NRP1: variants seen among roughly 807,000 people sequenced by gnomAD.
NRP1 encodes neuropilin-1.
NRP1 carries 35 observed loss-of-function variants against 106.7 expected under a neutral mutation model. That is an observed-to-expected ratio of 0.33 (90% CI 0.25 to 0.43). The LOEUF (loss-of-function observed/expected upper bound fraction) is 0.43. Ranked by LOEUF, NRP1 falls within the 20% of genes least tolerant of loss-of-function variation. NRP1 has a pLI of 1.00. For missense variants in NRP1, 1,024 were observed against 1,170.4 expected (o/e 0.87, Z 1.83); for synonymous variants, 437 against 417.9 (o/e 1.05, Z -0.56).
chr10:33,290,890 G>T (rs1020064964), intron 2 of NRP1, among the ~76,000 whole-genome samples: 1 of 152,070 alleles, frequency 6.6e-6, no homozygotes, highest in African/African-American at 2.4e-5. Context: ...AATGCAAGAC[G>T]GCATCTCACC....
intron 6 of NRP1, among the ~76,000 whole-genome samples, chr10:33,240,128 G>C (rs1840900960): frequency 6.6e-6 from 1 of 152,212 alleles, no homozygotes; most frequent in Non-Finnish European, 1.5e-5. Context: ...CATGGAAGAA[G>C]TCTTGGAGGT....
At chr10:33,216,687 C>T (rs1416776669) in intron 8 of NRP1, among the ~76,000 whole-genome samples, 1 of 151,782 alleles carries the variant, frequency 6.6e-6, no homozygotes, top group Non-Finnish European at 1.5e-5. Flanking sequence ...AGAGATCTTA[C>T]CATTTTGGCC....
rs1478431312 is a variant in NRP1, at chr10:33,199,402, T to A, written c.1865-1693A>T. Among the ~76,000 whole-genome samples the A allele has an allele frequency of 5.9e-3, 608 of 103,298 alleles. 5 individuals are homozygous for A. The highest frequency in any genetic ancestry group is 0.022 in the African/African-American group (544 of 24,682). 67.8% of individuals were successfully genotyped at this position (103,298 alleles called of 152,430 possible). On this transcript the variant is annotated intron_variant, in intron 11 of 16. Coordinates refer to ENST00000374867, the MANE Select transcript of NRP1 (RefSeq NM_003873.7). ...ATATATATATATATTTTTTTTTTTT[T>A]TTTTTTTTTTTTTTTTTTTGGCGGA...
intron 3 of NRP1, among the ~76,000 whole-genome samples, chr10:33,269,937 T>C (rs1239599300): frequency 6.6e-6 from 1 of 152,222 alleles, no homozygotes; most frequent in African/African-American, 2.4e-5. Context: ...TGGTGAGTTG[T>C]ATAATTATTT....
intron 8 of NRP1, among the ~76,000 whole-genome samples, chr10:33,216,934 T>C (rs557376618): frequency 6.6e-6 from 1 of 152,310 alleles, no homozygotes; most frequent in African/African-American, 2.4e-5. Flanking sequence ...AAGGCAGCTG[T>C]CATTTTCTCA....
rs997774890 is a variant in NRP1 at position 33,334,161 on chromosome 10, C to A, written c.73+149G>T. On this transcript the variant is annotated intron_variant, in intron 1 of 16. Coordinates refer to ENST00000374867, the MANE Select transcript of NRP1 (RefSeq NM_003873.7). ...TGCTCTAAACCGCCTGATCTCATTT[C>A]TTCTTCTCTCCTCCCAGATAAAAGT... The A allele has an allele frequency of 3.7e-5, 26 of 693,442 alleles. No homozygotes were observed. In the East Asian group the frequency reaches 6.3e-4, roughly 17 times the overall value. The allele number at this position is 693,442 out of a possible 1,614,324, so 43.0% of individuals were successfully genotyped here.
At chr10:33,333,873 G>A (rs1164084780) in intron 1 of NRP1, among the ~76,000 whole-genome samples, 1 of 152,110 alleles carries the variant, frequency 6.6e-6, no homozygotes, top group East Asian at 1.9e-4. Context: ...ATCTCTGGCC[G>A]TCACCCACCA....
intron 2 of NRP1, among the ~76,000 whole-genome samples, chr10:33,313,473 A>G (rs1367789592): frequency 1.3e-5 from 2 of 152,202 alleles, no homozygotes; most frequent in Non-Finnish European, 2.9e-5. Context: ...CATGTACCCC[A>G]GTAATGTATA....
chr10:33,263,931 A>T, intron 3 of NRP1, 58 bp from the exon 4 acceptor site: 1 of 1,072,264 alleles, frequency 9.3e-7, no homozygotes, highest in Admixed American at 1.8e-5. Context: ...AACTTCCCCA[A>T]GAAATAACCT....
Position 33,177,779 on chromosome 10 carries a change from T to C in NRP1, c.*2297A>G, listed in dbSNP as rs943913006. On this transcript the variant is annotated 3_prime_UTR_variant, in exon 17 of 17. Coordinates refer to ENST00000374867, the MANE Select transcript of NRP1 (RefSeq NM_003873.7). ...TACCAGTAAAATGAAAACATTTTAC[T>C]ACAGAAAGTTTTATAGATTTCCATA... 3 of 152,652 alleles carry C rather than the reference T, an allele frequency of 2.0e-5. No individual in the cohort carries two copies. Among genetic ancestry groups the C allele is most frequent in the Non-Finnish European group, 4.4e-5 (3 of 68,034 alleles). The allele number at this position is 152,652 out of a possible 1,614,324, so 9.5% of individuals were successfully genotyped here. A position where few individuals can be genotyped will look rare whatever the true frequency, so the allele number is the denominator to read the frequency against.
chr10:33,333,549 C>T (rs1754041361), intron 1 of NRP1, among the ~76,000 whole-genome samples: 2 of 152,226 alleles, frequency 1.3e-5, no homozygotes, highest in Admixed American at 6.5e-5. Flanking sequence ...AAGATAATTG[C>T]ATACCCTTGC....
intron 2 of NRP1, among the ~76,000 whole-genome samples, chr10:33,295,799 T>C (rs531390648): frequency 6.6e-6 from 1 of 152,132 alleles, no homozygotes; most frequent in Admixed American, 6.6e-5. Flanking sequence ...AATTAAAAGA[T>C]AAAAAGCAAA....
At chr10:33,262,971 T>G (rs1181978352) in intron 4 of NRP1, among the ~76,000 whole-genome samples, 1 of 152,234 alleles carries the variant, frequency 6.6e-6, no homozygotes, top group Non-Finnish European at 1.5e-5. Flanking sequence ...ACCCTGTGGC[T>G]AGGATGGTGC....
chr10:33,214,258 G>C (rs1838572042), intron 8 of NRP1, among the ~76,000 whole-genome samples: 2 of 152,024 alleles, frequency 1.3e-5, no homozygotes, highest in African/African-American at 2.4e-5. Flanking sequence ...CCCCACAACT[G>C]TTCTCCCCAC....
intron 5 of NRP1, among the ~76,000 whole-genome samples, chr10:33,254,993 C>T (rs1361609225): frequency 6.6e-6 from 1 of 152,114 alleles, no homozygotes; most frequent in African/African-American, 2.4e-5. Context: ...GGCCTAACAT[C>T]CTCAGTTTGA....
chr10:33,259,528 G>A (rs772044283), intron 4 of NRP1, among the ~76,000 whole-genome samples: 4 of 152,086 alleles, frequency 2.6e-5, no homozygotes, highest in African/African-American at 7.2e-5. Flanking sequence ...GGACCGAAGC[G>A]CCGAGGAGAT....
At chr10:33,264,945 A>C (rs1842824694) in intron 3 of NRP1, among the ~76,000 whole-genome samples, 1 of 152,108 alleles carries the variant, frequency 6.6e-6, no homozygotes, top group Admixed American at 6.5e-5. Flanking sequence ...CCCAGTCTCT[A>C]CTAAAAATAG....
chr10:33,213,169 A>G (rs1284861484), intron 9 of NRP1: 23 of 1,312,340 alleles, frequency 1.8e-5, no homozygotes, highest in Non-Finnish European at 2.2e-5. Flanking sequence ...AGGGAATGGG[A>G]CCAGCAATGC....
chr10:33,274,454 T>C (rs544688683), intron 2 of NRP1, among the ~76,000 whole-genome samples: 1 of 152,168 alleles, frequency 6.6e-6, no homozygotes, highest in African/African-American at 2.4e-5. Flanking sequence ...GTTTGAATTA[T>C]GGGTTTAGGA....
Sources: gnomAD v4.1 joint callset for allele counts (sites outside exome capture counted in the v4.1 genomes callset) on GRCh38, gnomAD v4.1.1 for gene constraint, MANE v1.5 for transcripts, NCBI Gene and HGNC (gene_info 2026-07-23, HGNC 2026-07-21) for gene names.